Variants in CD163L1 observed in about 807,000 individuals in gnomAD.
The protein encoded by CD163L1 is scavenger receptor cysteine-rich type 1 protein M160.
A neutral mutation model predicts 165.4 loss-of-function variants in CD163L1; 124 were observed. The observed-to-expected ratio is 0.75, with a 90% CI of 0.65 to 0.87. CD163L1 has a LOEUF of 0.87. Ranked by LOEUF, CD163L1 falls within the 40% of genes least tolerant of loss-of-function variation. CD163L1 has a pLI of 0.00. For missense variants in CD163L1, 1,525 were observed against 1,799.9 expected, an observed-to-expected ratio of 0.85 and a Z score of 2.76; for synonymous variants, 585 against 662.2, an observed-to-expected ratio of 0.88 and a Z score of 1.79.
rs1011727456 is a variant in CD163L1 at position 7,363,219 on chromosome 12, G to A, written c.4279+4017C>T. ...AGCTGCTCTGGAGTTTGAGGCAGGA[G>A]ATTTGCTTGAACCCAGGAGGCGGAG... On this transcript the variant is annotated intron_variant, in intron 18 of 19. Transcript: ENST00000313599. Among the ~76,000 whole-genome samples the A allele has an allele frequency of 3.9e-5, 6 of 152,136 alleles. No homozygotes were observed. In the South Asian group the frequency reaches 6.2e-4, roughly 16 times the overall value.
downstream of CD163L1, among the ~76,000 whole-genome samples, chr12:7,351,574 A>G (rs910876847): frequency 3.9e-5 from 6 of 152,124 alleles, no homozygotes; most frequent in South Asian, 6.2e-4. Context: ...TTAAGGCCCT[A>G]TCTCCAAATA....
chr12:7,371,545 A>G (rs1947146349), intron 14 of CD163L1, among the ~76,000 whole-genome samples: 1 of 152,158 alleles, frequency 6.6e-6, no homozygotes, highest in African/African-American at 2.4e-5. Flanking sequence ...AATTTTTAAT[A>G]TAAAATATTG....
At chr12:7,428,174 A>G (rs1184364462) in intron 4 of CD163L1, among the ~76,000 whole-genome samples, 1 of 152,084 alleles carries the variant, frequency 6.6e-6, no homozygotes, top group African/African-American at 2.4e-5. Flanking sequence ...TTGATTGCCA[A>G]GATATCCCCT....
chr12:7,435,987 A>C (rs989997964), intron 2 of CD163L1, among the ~76,000 whole-genome samples: 2 of 152,208 alleles, frequency 1.3e-5, no homozygotes, highest in Non-Finnish European at 1.5e-5. Context: ...AAAATAAGCA[A>C]AACTAAACAA....
At chr12:7,359,448 G>T (rs7135686) in intron 18 of CD163L1, among the ~76,000 whole-genome samples, 151,800 of 152,238 alleles carry the variant, frequency 1, 75,684 homozygotes, top group Middle Eastern at 1. Flanking sequence ...GCAAAAAGAG[G>T]GAGTATAATA....
At chr12:7,365,755 A>G (rs1422278515) in intron 18 of CD163L1, among the ~76,000 whole-genome samples, 1 of 152,160 alleles carries the variant, frequency 6.6e-6, no homozygotes, top group African/African-American at 2.4e-5. Flanking sequence ...AAAAGACAGG[A>G]AATAATGGAT....
At position 7,421,484 on chromosome 12, in the gene CD163L1, C is replaced by CATATATACATATATACACACACATATGT. The variant is rs1555202376; in HGVS notation, c.766+10931_766+10932insACATATGTGTGTGTATATATGTATATAT. 1.3e-4 allele frequency among the ~76,000 whole-genome samples: 13 copies of CATATATACATATATACACACACATATGT among 100,352 alleles called. 2 individuals are homozygous for CATATATACATATATACACACACATATGT. The South Asian group carries it at 2.7e-3, about 21-fold the overall frequency. The allele number at this position is 100,352 out of a possible 152,430, so 65.8% of individuals were successfully genotyped here. A position where few individuals can be genotyped will look rare whatever the true frequency, so the allele number is the denominator to read the frequency against. ...ATATACATATATATACATATATGTA[C>CATATATACATATATACACACACATATGT]ATATATACATATATGTACATATACA... On this transcript the variant is annotated intron_variant, in intron 4 of 19. Coordinates refer to ENST00000313599, the MANE Select transcript of CD163L1 (RefSeq NM_174941.6).
intron 5 of CD163L1, among the ~76,000 whole-genome samples, chr12:7,404,217 A>G (rs957089942): frequency 2.0e-5 from 3 of 152,164 alleles, no homozygotes; most frequent in Non-Finnish European, 4.4e-5. Flanking sequence ...TAATTACATT[A>G]ATTTTCAAAA....
chr12:7,334,252 G>A, the CD163L1 span, among the ~76,000 whole-genome samples: 1 of 152,056 alleles, frequency 6.6e-6, no homozygotes, highest in African/African-American at 2.4e-5. Context: ...TAAAATACTG[G>A]CAAACTGAAT....
chr12:7,346,187 T>G (rs1263468509), downstream of CD163L1, among the ~76,000 whole-genome samples: 1 of 152,136 alleles, frequency 6.6e-6, no homozygotes, highest in African/African-American at 2.4e-5. Flanking sequence ...CCTTGGGGTG[T>G]GTATTACTTC....
At position 7,379,094 on chromosome 12, in the gene CD163L1, A is replaced by T. The variant is rs758083817; in HGVS notation, c.2255T>A (p.Ile752Asn). Reference sequence around the variant, plus strand: ...AGTGCAGCCAGAATTCGACATTAAGATGTGTAATGTTCTTTCTGTGAAATG... The same window carrying T: ...AGTGCAGCCAGAATTCGACATTAAGTTGTGTAATGTTCTTTCTGTGAAATG... ...EPHFTERTLH[I>N]LMSNSGCTGG... Residue 752 changes from isoleucine (I) to asparagine (N), a missense_variant, in exon 9 of 20, where the codon ATC becomes AAC. Coordinates refer to ENST00000313599, the MANE Select transcript of CD163L1 (RefSeq NM_174941.6). The T allele has an allele frequency of 6.2e-7, 1 of 1,614,146 alleles. No individual in the cohort carries two copies. Among genetic ancestry groups the T allele is most frequent in the African/African-American group, 1.3e-5 (1 of 75,054 alleles).
intron 2 of CD163L1, chr12:7,439,045 G>T (rs567289505): frequency 1.1e-4 from 181 of 1,602,376 alleles, no homozygotes; most frequent in Middle Eastern, 6.7e-4. Context: ...CAGCACTCAT[G>T]GCACTGTCTA....
At chr12:7,379,700 T>G (rs1371235371) in intron 8 of CD163L1, among the ~76,000 whole-genome samples, 1 of 152,112 alleles carries the variant, frequency 6.6e-6, no homozygotes, top group Non-Finnish European at 1.5e-5. Flanking sequence ...GTGATATAAT[T>G]TAATGAAAAG....
At chr12:7,386,570 A>G (rs928131149) in intron 8 of CD163L1, among the ~76,000 whole-genome samples, 4 of 150,014 alleles carry the variant, frequency 2.7e-5, no homozygotes, top group African/African-American at 9.8e-5. Context: ...AAAACCCTCA[A>G]CAAAATACCA....
chr12:7,341,935 CAAG>C (rs1178976922), downstream of CD163L1, among the ~76,000 whole-genome samples: 4 of 152,120 alleles, frequency 2.6e-5, no homozygotes, highest in Admixed American at 2.6e-4. Flanking sequence ...TCAGTGTTAC[CAAG>C]AAATTTGTTG....
the CD163L1 span, among the ~76,000 whole-genome samples, chr12:7,330,798 C>G: frequency 6.6e-6 from 1 of 152,218 alleles, no homozygotes; most frequent in Non-Finnish European, 1.5e-5. Flanking sequence ...GTTCCTCTGG[C>G]AAGGTGGCAG....
At chr12:7,386,099 G>A (rs1947509832) in intron 8 of CD163L1, among the ~76,000 whole-genome samples, 1 of 151,852 alleles carries the variant, frequency 6.6e-6, no homozygotes, top group South Asian at 2.1e-4. Flanking sequence ...AAAGAAGAGT[G>A]AAGATTCAAA....
Position 7,372,696 on chromosome 12 carries a change from AATC to A in CD163L1, c.3730+621_3730+623del, listed in dbSNP as rs1947170119. On this transcript the variant is annotated intron_variant, in intron 14 of 19. Coordinates refer to ENST00000313599, the MANE Select transcript of CD163L1 (RefSeq NM_174941.6). The surrounding 1 kb of genome is among the most constrained non-coding windows in gnomAD (Gnocchi z 4.2). ...TTTCATATACACATTTCATATACAC[AATC>A]ATAACTTTAAGTTTTTGTACAAAAG... Among the ~76,000 whole-genome samples, 1 of 151,766 alleles carries A rather than the reference AATC, an allele frequency of 6.6e-6. No individual in the cohort carries two copies. Among genetic ancestry groups the A allele is most frequent in the South Asian group, 2.1e-4 (1 of 4,824 alleles).
intron 4 of CD163L1, among the ~76,000 whole-genome samples, chr12:7,409,761 TCTAA>T (rs1948097714): frequency 6.6e-6 from 1 of 152,204 alleles, no homozygotes; most frequent in Non-Finnish European, 1.5e-5. Context: ...AGATTTAATC[TCTAA>T]CTGTGACTGA....
Sources: gnomAD v4.1 joint callset for allele counts (sites outside exome capture counted in the v4.1 genomes callset) on GRCh38, gnomAD v4.1.1 for gene constraint, Gnocchi (gnomAD v3.1) non-coding constraint, MANE v1.5 for transcripts, NCBI Gene and HGNC (gene_info 2026-07-23, HGNC 2026-07-21) for gene names.